The following RXFP1 variants were observed in gnomAD, a reference collection of about 807,000 sequenced individuals.
The protein encoded by RXFP1 is relaxin family peptide receptor 1.
In RXFP1, 73 loss-of-function variants were observed where a neutral mutation model predicts 89.8. That is an observed-to-expected ratio of 0.81 (90% CI 0.67 to 0.99). The LOEUF is 0.99. Among genes scored for constraint, RXFP1 ranks in the 50% least tolerant of loss-of-function variants. The pLI, the probability that RXFP1 is intolerant of heterozygous loss-of-function variation, is 0.00. For synonymous variants in RXFP1, 277 were observed against 305.5 expected, an observed-to-expected ratio of 0.91 and a Z score of 0.97; for missense variants, 793 against 895.5, an observed-to-expected ratio of 0.89 and a Z score of 1.46.
intron 2 of RXFP1, among the ~76,000 whole-genome samples, chr4:158,578,760 T>C (rs946004575): frequency 3.3e-5 from 5 of 152,050 alleles, no homozygotes; most frequent in African/African-American, 4.8e-5. Flanking sequence ...GCCTCCCTAC[T>C]GTACTCTTGT....
chr4:158,634,357 T>G (rs1188061900), intron 12 of RXFP1, among the ~76,000 whole-genome samples: 1 of 152,202 alleles, frequency 6.6e-6, no homozygotes, highest in Non-Finnish European at 1.5e-5. Flanking sequence ...CACTCATTTT[T>G]CAATTGGATT....
At chr4:158,553,784 C>A (rs1750675441) in intron 1 of RXFP1, among the ~76,000 whole-genome samples, 1 of 152,046 alleles carries the variant, frequency 6.6e-6, no homozygotes, top group Non-Finnish European at 1.5e-5. Context: ...GAAAAAAGGG[C>A]AGGAGAAGGC....
At chr4:158,578,460 G>A (rs1276939135) in intron 2 of RXFP1, among the ~76,000 whole-genome samples, 1 of 152,150 alleles carries the variant, frequency 6.6e-6, no homozygotes, top group Non-Finnish European at 1.5e-5. Flanking sequence ...AAAAGTTGAG[G>A]GTTCTTCTTT....
intron 8 of RXFP1, among the ~76,000 whole-genome samples, chr4:158,616,670 A>G: frequency 6.7e-6 from 1 of 149,610 alleles, no homozygotes; most frequent in East Asian, 1.9e-4. Flanking sequence ...ATAATTAAAT[A>G]TAGTTAGATT....
At chr4:158,591,690 A>G (rs1159347440) in intron 2 of RXFP1, among the ~76,000 whole-genome samples, 1 of 152,154 alleles carries the variant, frequency 6.6e-6, no homozygotes, top group Non-Finnish European at 1.5e-5. Flanking sequence ...GAGAGGTTGC[A>G]GTGAGCTGAG....
chr4:158,574,645 G>A (rs930858343), intron 2 of RXFP1, among the ~76,000 whole-genome samples: 2 of 152,190 alleles, frequency 1.3e-5, no homozygotes, highest in African/African-American at 4.8e-5. Context: ...TATAATACAT[G>A]CCTCTGAGCT....
chr4:158,626,841 C>A lies in RXFP1; in HGVS notation c.777C>A (p.Ile259=), dbSNP rs746897664. ...CCAGGGACCTTGAAGGCAACCATAT[C>A]CATAATTTAAGAAATTTGACTTTTA... The part of the protein sequence containing the change: ...LHWLDLEGNH[I]HNLRNLTFIS... Residue 259 remains isoleucine (I), a synonymous_variant, in exon 10 of 18, where the codon ATC becomes ATA. Transcript: ENST00000307765. 1 of 1,565,546 alleles carries A rather than the reference C, an allele frequency of 6.4e-7. No homozygotes were observed. The highest frequency in any genetic ancestry group is 8.7e-7 in the Non-Finnish European group (1 of 1,148,380).
intron 9 of RXFP1, among the ~76,000 whole-genome samples, chr4:158,617,760 G>C (rs1295942232): frequency 1.3e-5 from 2 of 152,094 alleles, no homozygotes; most frequent in South Asian, 4.1e-4. Context: ...ATAAAAGAAA[G>C]AAATAACCAA....
chr4:158,628,672 GA>G lies in RXFP1; in HGVS notation c.866del (p.Asn289IlefsTer14). 1 of 1,577,580 alleles carries G rather than the reference GA, an allele frequency of 6.3e-7. No individual in the cohort carries two copies. The highest frequency in any genetic ancestry group is 8.7e-7 in the Non-Finnish European group (1 of 1,149,628). ...MRKNKINHLN[E>X]NTFAPLQKLD... ...GAAAAACAAAATTAATCACTTAAATGAAAATACTTTTGCACCTCTCCAGAAA... is the reference window on the plus strand; with the variant it reads ...GAAAAACAAAATTAATCACTTAAATGAAATACTTTTGCACCTCTCCAGAAA... On this transcript the variant is annotated frameshift_variant, in exon 11 of 18. Transcript: ENST00000307765. LOFTEE classifies it high-confidence loss of function.
chr4:158,530,988 G>C (rs1743901950), intron 1 of RXFP1, among the ~76,000 whole-genome samples: 1 of 152,126 alleles, frequency 6.6e-6, no homozygotes, highest in African/African-American at 2.4e-5. Context: ...AACGTTAGCA[G>C]GTTCAATTTG....
chr4:158,637,071 G>A (rs563933182), intron 12 of RXFP1, among the ~76,000 whole-genome samples: 2 of 152,078 alleles, frequency 1.3e-5, no homozygotes, highest in African/African-American at 2.4e-5. Flanking sequence ...CAAATGACAG[G>A]ATTTTCTGTG....
rs549722385 is a variant in RXFP1 at position 158,622,025 on chromosome 4, A to G, written c.756-4795A>G. The stretch of plus-strand genomic sequence containing the variant: ...ATGGAGCTTCCTCTAAAAATTAAAA[A>G]TAGGACCAGGTGCGGTGGCTTACGC... On this transcript the variant is annotated intron_variant, in intron 9 of 17. Coordinates refer to ENST00000307765, the MANE Select transcript of RXFP1 (RefSeq NM_021634.4). Among the ~76,000 whole-genome samples the G allele has an allele frequency of 2.6e-5, 4 of 152,324 alleles. No individual in the cohort carries two copies. The East Asian group carries it at 7.7e-4, about 29-fold the overall frequency.
chr4:158,525,121 G>C (rs1316907537), intron 1 of RXFP1, among the ~76,000 whole-genome samples: 1 of 151,592 alleles, frequency 6.6e-6, no homozygotes, highest in Non-Finnish European at 1.5e-5. Context: ...CGTGGAAAAA[G>C]AGAATGTTCG....
intron 1 of RXFP1, chr4:158,543,653 T>C (rs1747416155): frequency 1.8e-6 from 1 of 544,756 alleles, no homozygotes; most frequent in East Asian, 1.5e-4. Context: ...ATTTATTTAT[T>C]CCCCACTTCT....
chr4:158,620,986 C>T (rs950011269), intron 9 of RXFP1, among the ~76,000 whole-genome samples: 12 of 151,476 alleles, frequency 7.9e-5, no homozygotes, highest in African/African-American at 2.4e-4. Flanking sequence ...ATTAGCTGAG[C>T]GTTTAGCTGG....
At chr4:158,544,610 C>A (rs1409417145) in intron 1 of RXFP1, among the ~76,000 whole-genome samples, 1 of 151,930 alleles carries the variant, frequency 6.6e-6, no homozygotes, top group Non-Finnish European at 1.5e-5. Flanking sequence ...CCCCTACCCC[C>A]CAACAGTCCC....
At chr4:158,559,655 A>C (rs1042957562) in intron 1 of RXFP1, among the ~76,000 whole-genome samples, 3 of 152,196 alleles carry the variant, frequency 2.0e-5, no homozygotes, top group Admixed American at 2.0e-4. Flanking sequence ...TACGACAAAA[A>C]AGCCACTTTT....
intron 1 of RXFP1, among the ~76,000 whole-genome samples, chr4:158,552,682 G>A (rs1440622937): frequency 6.6e-6 from 1 of 152,194 alleles, no homozygotes; most frequent in Non-Finnish European, 1.5e-5. Context: ...ACAAATTAAT[G>A]ATAGTAGAAG....
chr4:158,553,582 G>T (rs751622165), intron 1 of RXFP1, among the ~76,000 whole-genome samples: 1 of 152,142 alleles, frequency 6.6e-6, no homozygotes, highest in Admixed American at 6.5e-5. Context: ...GTGCAGGTAC[G>T]GGGTAGGCCA....
Sources: allele counts gnomAD v4.1 joint callset (sites outside exome capture counted in the v4.1 genomes callset), GRCh38; gene constraint gnomAD v4.1.1; transcripts MANE v1.5; gene names NCBI Gene and HGNC (gene_info 2026-07-23, HGNC 2026-07-21).